Variants in ZBBX observed in about 807,000 individuals in gnomAD.
The protein encoded by ZBBX is zinc finger B-box domain containing.
ZBBX carries 101 observed loss-of-function variants against 108.5 expected under a neutral mutation model. The ratio of observed to expected loss-of-function variants is 0.93; its 90% CI spans 0.79 to 1.10. The LOEUF (loss-of-function observed/expected upper bound fraction) is 1.10. Ranked by LOEUF, ZBBX falls within the 50% of genes least tolerant of loss-of-function variation. The probability of loss-of-function intolerance (pLI) is 0.00; values close to 1 mark genes in which losing one functional copy is unlikely to be tolerated. For synonymous variants in ZBBX, 356 were observed against 323.4 expected (o/e 1.10, Z -1.08); for missense variants, 1,009 against 941.4 (o/e 1.07, Z -0.94).
chr3:167,402,921 A>C (rs947381691), intron 1 of ZBBX, among the ~76,000 whole-genome samples: 22 of 152,310 alleles, frequency 1.4e-4, no homozygotes, highest in African/African-American at 5.3e-4. Context: ...TAAATACATA[A>C]CAAACTGTTA....
chr3:167,365,138 C>A (rs1027129186), intron 6 of ZBBX, among the ~76,000 whole-genome samples: 1 of 151,622 alleles, frequency 6.6e-6, no homozygotes, highest in African/African-American at 2.4e-5. Context: ...TAGGGAATGA[C>A]ACCAGAGAAT....
intron 16 of ZBBX, among the ~76,000 whole-genome samples, chr3:167,308,498 T>C (rs1480244604): frequency 6.6e-6 from 1 of 152,138 alleles, no homozygotes; most frequent in Non-Finnish European, 1.5e-5. Context: ...ATTATAAAGA[T>C]ACATGTATAT....
chr3:167,349,494 T>C (rs1742273984), intron 9 of ZBBX, among the ~76,000 whole-genome samples: 1 of 152,006 alleles, frequency 6.6e-6, no homozygotes, highest in Non-Finnish European at 1.5e-5. Flanking sequence ...GAATATTAGT[T>C]AGGTATATTT....
At chr3:167,242,462 T>C in intron 21 of ZBBX, 43 bp downstream of exon 21, 4 of 1,502,760 alleles carry the variant, frequency 2.7e-6, no homozygotes, top group Non-Finnish European at 3.6e-6. Flanking sequence ...GTCAAAATTT[T>C]ACTACATACT....
chr3:167,394,648 C>G (rs927313559), intron 1 of ZBBX, among the ~76,000 whole-genome samples: 1 of 151,836 alleles, frequency 6.6e-6, no homozygotes, highest in African/African-American at 2.4e-5. Flanking sequence ...AGCAAGCCTT[C>G]ATTAATGTTG....
intron 2 of ZBBX, among the ~76,000 whole-genome samples, chr3:167,379,118 A>ATT (rs1747423538): frequency 2.6e-5 from 4 of 152,102 alleles, no homozygotes; most frequent in African/African-American, 9.7e-5. Flanking sequence ...TACCCTACGG[A>ATT]AAAAATTAAA....
chr3:167,307,471 A>G (rs1317081678), intron 16 of ZBBX, among the ~76,000 whole-genome samples: 2 of 152,130 alleles, frequency 1.3e-5, no homozygotes, highest in Non-Finnish European at 2.9e-5. Flanking sequence ...TTATACACCA[A>G]TGACAGTCAA....
At chr3:167,343,345 G>A (rs1401693975) in intron 9 of ZBBX, among the ~76,000 whole-genome samples, 1 of 151,764 alleles carries the variant, frequency 6.6e-6, no homozygotes, top group Non-Finnish European at 1.5e-5. Context: ...TCTCTACTGT[G>A]TCAGTTGCTC....
At chr3:167,394,631 C>T (rs1169893568) in intron 1 of ZBBX, among the ~76,000 whole-genome samples, 3 of 151,736 alleles carry the variant, frequency 2.0e-5, no homozygotes, top group Non-Finnish European at 4.4e-5. Context: ...GTTACACGGC[C>T]CAAAGAAGCA....
intron 6 of ZBBX, among the ~76,000 whole-genome samples, chr3:167,365,624 C>A (rs1390224120): frequency 3.3e-5 from 5 of 151,708 alleles, no homozygotes; most frequent in Admixed American, 3.3e-4. Context: ...CAGATCCACA[C>A]TGAATGGAAA....
At chr3:167,239,543 A>T (rs1237646395), downstream of ZBBX, among the ~76,000 whole-genome samples, 1 of 152,060 alleles carries the variant, frequency 6.6e-6, no homozygotes, top group East Asian at 1.9e-4. Context: ...TCTCCTCCTT[A>T]TGATTTTCTT....
At chr3:167,225,856 T>G in the ZBBX span, among the ~76,000 whole-genome samples, 1 of 151,732 alleles carries the variant, frequency 6.6e-6, no homozygotes, top group Non-Finnish European at 1.5e-5. Context: ...TTGAGGTGGT[T>G]TATTACTAAG....
At chr3:167,231,610 C>A in the ZBBX span, among the ~76,000 whole-genome samples, 2 of 151,706 alleles carry the variant, frequency 1.3e-5, no homozygotes, top group East Asian at 3.9e-4. Context: ...ATGAGGGGAG[C>A]AAAAATATTT....
the ZBBX span, among the ~76,000 whole-genome samples, chr3:167,223,001 T>C: frequency 6.6e-6 from 1 of 152,000 alleles, no homozygotes; most frequent in African/African-American, 2.4e-5. Flanking sequence ...AATACACTGA[T>C]TTGATCATTA....
chr3:167,217,925 C>G, the ZBBX span, among the ~76,000 whole-genome samples: 1 of 146,204 alleles, frequency 6.8e-6, no homozygotes, highest in Non-Finnish European at 1.5e-5. Context: ...GAGTCTCGCT[C>G]TGTCGCCCAG....
chr3:167,382,466 C>A (rs1747786039), upstream of ZBBX, among the ~76,000 whole-genome samples: 1 of 152,128 alleles, frequency 6.6e-6, no homozygotes, highest in African/African-American at 2.4e-5. Context: ...TTTCCAAACT[C>A]ATGCTTCTTT....
chr3:167,326,868 A>G (rs1455749910), intron 11 of ZBBX, among the ~76,000 whole-genome samples: 1 of 152,078 alleles, frequency 6.6e-6, no homozygotes, highest in African/African-American at 2.4e-5. Flanking sequence ...ACTGTGTAAT[A>G]AAAGTGTAAT....
intron 6 of ZBBX, among the ~76,000 whole-genome samples, chr3:167,365,504 A>C (rs1179544404): frequency 6.6e-6 from 1 of 151,798 alleles, no homozygotes; most frequent in Non-Finnish European, 1.5e-5. Flanking sequence ...ATAAAACATT[A>C]AACTAATGTG....
At chr3:167,328,629 C>T (rs1577012042) in intron 10 of ZBBX, among the ~76,000 whole-genome samples, 1 of 152,152 alleles carries the variant, frequency 6.6e-6, no homozygotes, top group East Asian at 1.9e-4. Context: ...TTACCTCCTT[C>T]CATTCTCCTT....
Sources: gnomAD v4.1 joint callset for allele counts (sites outside exome capture counted in the v4.1 genomes callset) on GRCh38, gnomAD v4.1.1 for gene constraint, MANE v1.5 for transcripts, NCBI Gene and HGNC (gene_info 2026-07-23, HGNC 2026-07-21) for gene names.